The following CMTM8 variants were observed in gnomAD, a reference collection of about 807,000 sequenced individuals.
The protein encoded by CMTM8 is CKLF like MARVEL transmembrane domain containing 8.
A neutral mutation model predicts 18.6 loss-of-function variants in CMTM8; 12 were observed. That is an observed-to-expected ratio of 0.65 (90% confidence interval 0.41 to 1.05). The LOEUF is 1.05. Among genes scored for constraint, CMTM8 ranks in the 50% least tolerant of loss-of-function variants. The probability of loss-of-function intolerance (pLI) is 0.00; values close to 1 mark genes in which losing one functional copy is unlikely to be tolerated. For missense variants in CMTM8, 217 were observed against 227.2 expected, an observed-to-expected ratio of 0.95 and a Z score of 0.29; for synonymous variants, 87 against 90.6, an observed-to-expected ratio of 0.96 and a Z score of 0.23.
intron 1 of CMTM8, among the ~76,000 whole-genome samples, chr3:32,292,650 A>T (rs532208119): frequency 2.0e-5 from 3 of 152,190 alleles, no homozygotes; most frequent in Admixed American, 1.3e-4. Flanking sequence ...GGATTTCTCA[A>T]CCTGGGCACT....
intron 1 of CMTM8, among the ~76,000 whole-genome samples, chr3:32,260,531 C>G (rs1296109052): frequency 6.6e-6 from 1 of 152,104 alleles, no homozygotes; most frequent in Non-Finnish European, 1.5e-5. Context: ...TTTTCATTTA[C>G]TACTTGTATG....
chr3:32,281,057 C>T (rs1467245096), intron 1 of CMTM8, among the ~76,000 whole-genome samples: 1 of 152,048 alleles, frequency 6.6e-6, no homozygotes, highest in Non-Finnish European at 1.5e-5. Context: ...GGGAGTTATC[C>T]TGGAACTCCC....
intron 1 of CMTM8, among the ~76,000 whole-genome samples, chr3:32,278,944 A>C (rs1234237231): frequency 6.6e-6 from 1 of 152,166 alleles, no homozygotes; most frequent in Non-Finnish European, 1.5e-5. Flanking sequence ...ATGACAACAA[A>C]AAGGAGGAGC....
At chr3:32,360,514 A>C (rs1696902027) in intron 2 of CMTM8, among the ~76,000 whole-genome samples, 1 of 152,222 alleles carries the variant, frequency 6.6e-6, no homozygotes, top group Admixed American at 6.5e-5. Flanking sequence ...AGACTGGAAA[A>C]AGTTTCCGTC....
intron 1 of CMTM8, among the ~76,000 whole-genome samples, chr3:32,249,727 T>C (rs1702089259): frequency 6.6e-6 from 1 of 152,252 alleles, no homozygotes; most frequent in Admixed American, 6.5e-5. Context: ...AAAAATGGGT[T>C]AATTTGTCTT....
At chr3:32,298,361 C>T (rs11708624) in intron 1 of CMTM8, among the ~76,000 whole-genome samples, 1 of 151,912 alleles carries the variant, frequency 6.6e-6, no homozygotes, top group East Asian at 1.9e-4. Flanking sequence ...CGTGAGCCAT[C>T]ACGTCCAGCC....
intron 1 of CMTM8, among the ~76,000 whole-genome samples, chr3:32,277,428 GA>G (rs1163574468): frequency 2.7e-5 from 4 of 150,286 alleles, no homozygotes; most frequent in Non-Finnish European, 5.9e-5. Context: ...TGTTGAGACA[GA>G]GTCTCACTAT....
At chr3:32,296,826 C>T (rs1339990903) in intron 1 of CMTM8, among the ~76,000 whole-genome samples, 2 of 152,176 alleles carry the variant, frequency 1.3e-5, no homozygotes, top group Non-Finnish European at 2.9e-5. Flanking sequence ...TAATTAAAAC[C>T]ACAAAGGGAA....
At chr3:32,249,336 G>T (rs1477484635) in intron 1 of CMTM8, among the ~76,000 whole-genome samples, 1 of 151,684 alleles carries the variant, frequency 6.6e-6, no homozygotes, top group East Asian at 1.9e-4. Flanking sequence ...AGGCTGAAGT[G>T]GGGGGATCAC....
intron 1 of CMTM8, among the ~76,000 whole-genome samples, chr3:32,280,176 A>C (rs971530838): frequency 3.3e-5 from 5 of 152,126 alleles, no homozygotes; most frequent in African/African-American, 1.2e-4. Flanking sequence ...CAATGTGGCC[A>C]GGCATAAGTG....
rs1553605520 is a variant in CMTM8, at chr3:32,319,057, CATAT to C, written c.148-38301_148-38298del. ...AAATTTATATATATGTGTGTATATA[CATAT>C]ATATATATATATATTTTTTTTTTTT... On this transcript the variant is annotated intron_variant, in intron 1 of 3. Transcript: ENST00000307526. Among the ~76,000 whole-genome samples, 312 of 45,876 alleles carry C rather than the reference CATAT, an allele frequency of 6.8e-3. 28 individuals are homozygous for C. In the Middle Eastern group the frequency reaches 0.11, roughly 16 times the overall value. The allele number at this position is 45,876 out of a possible 152,430, so 30.1% of individuals were successfully genotyped here. A position where few individuals can be genotyped will look rare whatever the true frequency, so the allele number is the denominator to read the frequency against.
In CMTM8 at chr3:32,238,894, C is replaced by T; in HGVS notation, c.-79C>T. On this transcript the variant is annotated 5_prime_UTR_variant, in exon 1 of 4. Coordinates refer to ENST00000307526, the MANE Select transcript of CMTM8 (RefSeq NM_178868.5). ...CGCTCCCCTCCCCCGCGCCTGTGTC[C>T]CCAGGGCGCAGGGCCGCGCGTCCAG... 1 of 1,358,096 alleles carries T rather than the reference C, an allele frequency of 7.4e-7. No individual in the cohort carries two copies. The highest frequency in any genetic ancestry group is 9.6e-7 in the Non-Finnish European group (1 of 1,039,122). 84.1% of individuals were successfully genotyped at this position (1,358,096 alleles called of 1,614,324 possible). A position where few individuals can be genotyped will look rare whatever the true frequency, so the allele number is the denominator to read the frequency against.
chr3:32,272,934 A>G (rs1388657279), intron 1 of CMTM8, among the ~76,000 whole-genome samples: 1 of 152,172 alleles, frequency 6.6e-6, no homozygotes, highest in African/African-American at 2.4e-5. Context: ...TGAAAGCTTG[A>G]CAAAGGATTT....
chr3:32,238,952 C>G lies in CMTM8; in HGVS notation c.-21C>G, dbSNP rs1317792627. The G allele has an allele frequency of 6.5e-7, 1 of 1,543,210 alleles. No individual in the cohort carries two copies. Among genetic ancestry groups the G allele is most frequent in the East Asian group, 2.5e-5 (1 of 40,146 alleles). ...CCCGCCGGGGTCCCTGGGGACGCGC[C>G]AGCCCGGCAGTGGCTCGACGATGGA... On this transcript the variant is annotated 5_prime_UTR_variant, in exon 1 of 4. Transcript: ENST00000307526.
intron 1 of CMTM8, among the ~76,000 whole-genome samples, chr3:32,340,712 G>A (rs996899101): frequency 6.6e-6 from 1 of 152,234 alleles, no homozygotes; most frequent in African/African-American, 2.4e-5. Context: ...TCATGAATAA[G>A]CATGGCTGTG....
chr3:32,293,168 A>T (rs968672866), intron 1 of CMTM8, among the ~76,000 whole-genome samples: 3 of 151,956 alleles, frequency 2.0e-5, no homozygotes, highest in African/African-American at 7.2e-5. Context: ...TTTGGCGGCT[A>T]TGTAGCAGTC....
At chr3:32,259,490 C>A in intron 1 of CMTM8, 1 of 779,850 alleles carries the variant, frequency 1.3e-6, no homozygotes, top group South Asian at 1.3e-5. Flanking sequence ...CATTCATGGG[C>A]TCTTCAAGGT....
At chr3:32,271,511 TC>T in intron 1 of CMTM8, among the ~76,000 whole-genome samples, 1 of 152,382 alleles carries the variant, frequency 6.6e-6, no homozygotes, top group African/African-American at 2.4e-5. Context: ...ACATGGGATT[TC>T]CTTCTCTGAC....
chr3:32,330,385 A>AG (rs772631568), intron 1 of CMTM8, among the ~76,000 whole-genome samples: 1 of 152,152 alleles, frequency 6.6e-6, no homozygotes, highest in Non-Finnish European at 1.5e-5. Flanking sequence ...CTAAGGCAGG[A>AG]GACTTGAGCC....
Sources: allele counts gnomAD v4.1 joint callset (sites outside exome capture counted in the v4.1 genomes callset), GRCh38; gene constraint gnomAD v4.1.1; transcripts MANE v1.5; gene names NCBI Gene and HGNC (gene_info 2026-07-23, HGNC 2026-07-21).